Variants in CENPP observed in about 807,000 individuals in gnomAD.
The protein encoded by CENPP is centromere protein P.
In CENPP, 24 loss-of-function variants were observed where a neutral mutation model predicts 35.6. The ratio of observed to expected loss-of-function variants is 0.67; its 90% CI spans 0.49 to 0.95. The LOEUF (loss-of-function observed/expected upper bound fraction) is 0.95. Among genes scored for constraint, CENPP ranks in the 40% least tolerant of loss-of-function variants. CENPP has a pLI of 0.00. For missense variants in CENPP, 332 were observed against 345.3 expected (o/e 0.96, Z 0.31); for synonymous variants, 120 against 125.5 (o/e 0.96, Z 0.29).
chr9:92,592,134 T>C (rs1050383833), intron 5 of CENPP, among the ~76,000 whole-genome samples: 1 of 152,152 alleles, frequency 6.6e-6, no homozygotes, highest in African/African-American at 2.4e-5. Context: ...TATAAATATA[T>C]ACATTATATA....
At chr9:92,603,236 C>T (rs188142338) in intron 5 of CENPP, among the ~76,000 whole-genome samples, 8 of 152,326 alleles carry the variant, frequency 5.3e-5, no homozygotes, top group East Asian at 1.9e-4. Context: ...CCCAGGGCCC[C>T]GGCAGTACCT....
chr9:92,416,820 A>G (rs759038191), intron 5 of CENPP: 1 of 1,613,862 alleles, frequency 6.2e-7, no homozygotes, highest in South Asian at 1.1e-5. Flanking sequence ...TCGGGTATAG[A>G]AGAAATTGAA....
intron 5 of CENPP, among the ~76,000 whole-genome samples, chr9:92,597,655 GCTT>G (rs1850815106): frequency 6.6e-6 from 1 of 152,068 alleles, no homozygotes; most frequent in Non-Finnish European, 1.5e-5. Flanking sequence ...TGTATATTTA[GCTT>G]CTTCATTATC....
At chr9:92,403,545 G>T (rs1843205753) in intron 5 of CENPP, 4 of 1,383,054 alleles carry the variant, frequency 2.9e-6, no homozygotes, top group Admixed American at 6.2e-5. Context: ...TTTTGGCAGG[G>T]TGTGCGCAGT....
chr9:92,390,103 A>G lies in CENPP; in HGVS notation c.564+10244A>G, dbSNP rs981787701. 19 of 1,109,674 alleles carry G rather than the reference A, an allele frequency of 1.7e-5. No homozygotes were observed. The Admixed American group carries it at 2.7e-4, about 16-fold the overall frequency. 68.7% of individuals were successfully genotyped at this position (1,109,674 alleles called of 1,614,324 possible). ...AAACAACTACGTAAGTAAAATTCTT[A>G]TTGTATGGACTGAAGAAAAGCATTT... On this transcript the variant is annotated intron_variant, in intron 5 of 7. Coordinates refer to ENST00000375587, the MANE Select transcript of CENPP (RefSeq NM_001012267.3).
intron 5 of CENPP, among the ~76,000 whole-genome samples, chr9:92,454,021 GA>G (rs1207579129): frequency 6.6e-6 from 1 of 151,986 alleles, no homozygotes; most frequent in Non-Finnish European, 1.5e-5. Context: ...AATAGTTAAA[GA>G]AAATCACTTC....
rs1414776914 is a variant in CENPP, at chr9:92,476,624, A to G, written c.564+96765A>G. The stretch of plus-strand genomic sequence containing the variant: ...GTTACAGGACAGATCTGAGAATGGC[A>G]AGAGTTTTTTATATTTTAATAATCC... On this transcript the variant is annotated intron_variant, in intron 5 of 7. Transcript: ENST00000375587. This position sits in a 1 kb window ranked among gnomAD's most constrained non-coding sequence, Gnocchi z 4.1. 6.6e-6 allele frequency among the ~76,000 whole-genome samples: 1 copy of G among 152,198 alleles called. No homozygotes were observed. The highest frequency in any genetic ancestry group is 1.5e-5 in the Non-Finnish European group (1 of 68,024).
intron 5 of CENPP, among the ~76,000 whole-genome samples, chr9:92,423,638 A>G (rs1446033678): frequency 6.6e-6 from 1 of 152,158 alleles, no homozygotes; most frequent in East Asian, 1.9e-4. Flanking sequence ...GTAATTAACT[A>G]AAACCCAAAG....
chr9:92,387,921 G>A (rs973593073), intron 5 of CENPP, among the ~76,000 whole-genome samples: 7 of 151,414 alleles, frequency 4.6e-5, no homozygotes, highest in African/African-American at 1.5e-4. Context: ...CCACCACCAC[G>A]CCCAGCTAAT....
At chr9:92,522,562 A>C (rs555450660) in intron 5 of CENPP, 3 of 1,591,704 alleles carry the variant, frequency 1.9e-6, no homozygotes, top group Non-Finnish European at 1.7e-6. Context: ...TCTCTCTCAT[A>C]GTGTTCTCTT....
intron 4 of CENPP, among the ~76,000 whole-genome samples, chr9:92,348,671 C>T (rs950586885): frequency 7.9e-5 from 12 of 152,174 alleles, no homozygotes; most frequent in Non-Finnish European, 1.5e-4. Flanking sequence ...GGAATACAGG[C>T]GTGAGCCACC....
chr9:92,589,525 A>C (rs951724902), intron 5 of CENPP, among the ~76,000 whole-genome samples: 3 of 152,136 alleles, frequency 2.0e-5, no homozygotes, highest in Non-Finnish European at 4.4e-5. Flanking sequence ...ACCCAAGAAA[A>C]GACATACTGA....
chr9:92,511,474 A>G (rs958796705), intron 5 of CENPP, among the ~76,000 whole-genome samples: 2 of 151,254 alleles, frequency 1.3e-5, no homozygotes, highest in African/African-American at 2.4e-5. Context: ...GTATCTTTCA[A>G]AGGTTTACTC....
chr9:92,431,157 C>T (rs1302598423), intron 5 of CENPP, among the ~76,000 whole-genome samples: 1 of 152,076 alleles, frequency 6.6e-6, no homozygotes, highest in Non-Finnish European at 1.5e-5. Context: ...TTAGTGTTTA[C>T]AGTGCTTGTT....
At chr9:92,435,397 T>C (rs935331413) in intron 5 of CENPP, among the ~76,000 whole-genome samples, 1 of 152,132 alleles carries the variant, frequency 6.6e-6, no homozygotes, top group Non-Finnish European at 1.5e-5. Context: ...TGAGAACTAA[T>C]ACAGAAAGAA....
intron 5 of CENPP, among the ~76,000 whole-genome samples, chr9:92,381,897 C>CTTTTTTTTTTTTTTT (rs79507211): frequency 7.5e-6 from 1 of 133,702 alleles, no homozygotes; most frequent in African/African-American, 2.8e-5. Context: ...TTATTTTCTG[C>CTTTTTTTTTTTTTTT]TTTTTTTTTT....
chr9:92,592,854 C>G (rs1850698452), intron 5 of CENPP, among the ~76,000 whole-genome samples: 1 of 152,220 alleles, frequency 6.6e-6, no homozygotes, highest in Non-Finnish European at 1.5e-5. Context: ...TGATGATGCA[C>G]AGTGCTGATT....
chr9:92,527,886 C>T (rs1362357789), intron 5 of CENPP: 3 of 154,120 alleles, frequency 1.9e-5, no homozygotes, highest in Admixed American at 6.5e-5. Flanking sequence ...AGAAAATGAG[C>T]ATGGTTTTGT....
intron 5 of CENPP, among the ~76,000 whole-genome samples, chr9:92,597,656 C>T (rs891975417): frequency 2.0e-5 from 3 of 152,154 alleles, no homozygotes; most frequent in Non-Finnish European, 2.9e-5. Flanking sequence ...GTATATTTAG[C>T]TTCTTCATTA....
Sources: allele counts gnomAD v4.1 joint callset (sites outside exome capture counted in the v4.1 genomes callset), GRCh38; gene constraint gnomAD v4.1.1; non-coding constraint Gnocchi (gnomAD v3.1); transcripts MANE v1.5; gene names NCBI Gene and HGNC (gene_info 2026-07-23, HGNC 2026-07-21).